Variants in CAST observed in about 807,000 individuals in gnomAD.
CAST encodes the protein calpastatin.
A neutral mutation model predicts 119.6 loss-of-function variants in CAST; 76 were observed. The ratio of observed to expected loss-of-function variants is 0.64; its 90% CI spans 0.53 to 0.77. CAST has a LOEUF of 0.77. Ranked by LOEUF, CAST falls within the 30% of genes least tolerant of loss-of-function variation. CAST has a pLI of 0.00. For synonymous variants in CAST, 319 were observed against 331.6 expected, an observed-to-expected ratio of 0.96 and a Z score of 0.41; for missense variants, 953 against 946.5, an observed-to-expected ratio of 1.01 and a Z score of -0.09.
the CAST span, among the ~76,000 whole-genome samples, chr5:96,163,375 AT>A: frequency 6.6e-6 from 1 of 152,138 alleles, no homozygotes; most frequent in African/African-American, 2.4e-5. Context: ...GATCTTCTCT[AT>A]TCTTTTTCTA....
At chr5:96,579,624 G>A (rs897191469) in intron 1 of CAST, among the ~76,000 whole-genome samples, 1 of 152,102 alleles carries the variant, frequency 6.6e-6, no homozygotes, top group Non-Finnish European at 1.5e-5. Flanking sequence ...ATGCCATTCC[G>A]CTGTGCTATT....
intron 1 of CAST, chr5:96,584,722 G>T (rs62364681): frequency 0.019 from 2,881 of 152,284 alleles, 42 homozygotes; most frequent in Non-Finnish European, 0.029. Context: ...TAGAGGAGGA[G>T]TCTTTTCAAG....
At chr5:96,120,689 T>C in the CAST span, among the ~76,000 whole-genome samples, 1 of 147,826 alleles carries the variant, frequency 6.8e-6, no homozygotes, top group Non-Finnish European at 1.5e-5. Flanking sequence ...ATATAAATAA[T>C]ATATATTAAT....
the CAST span, among the ~76,000 whole-genome samples, chr5:96,259,828 C>T: frequency 1.2e-4 from 18 of 150,532 alleles, no homozygotes; most frequent in Non-Finnish European, 2.4e-4. Context: ...CAGTTCTAAA[C>T]TTTTCAATTG....
At chr5:96,366,067 T>C in the CAST span, among the ~76,000 whole-genome samples, 7 of 152,194 alleles carry the variant, frequency 4.6e-5, no homozygotes, top group Non-Finnish European at 1.0e-4. Context: ...CAAAGTATTT[T>C]ATTTCTCCTT....
chr5:96,144,496 CA>C, the CAST span, among the ~76,000 whole-genome samples: 1 of 152,284 alleles, frequency 6.6e-6, no homozygotes, highest in East Asian at 1.9e-4. Context: ...GTTTGTATCC[CA>C]ATTGCTTTTA....
At chr5:95,961,997 A>T in the CAST span, 1 of 417,574 alleles carries the variant, frequency 2.4e-6, no homozygotes, top group Non-Finnish European at 4.2e-6. Context: ...GCGGGCCCAA[A>T]GTCACTAGAG....
chr5:96,001,704 G>A, the CAST span, among the ~76,000 whole-genome samples: 1 of 152,204 alleles, frequency 6.6e-6, no homozygotes, highest in Non-Finnish European at 1.5e-5. Context: ...TAAGAAGTAT[G>A]TTTTTATATT....
upstream of CAST, among the ~76,000 whole-genome samples, chr5:96,526,518 T>C (rs961406278): frequency 2.0e-5 from 3 of 152,204 alleles, no homozygotes; most frequent in Non-Finnish European, 4.4e-5. Context: ...TACTTTCTTT[T>C]AGGTAGTTGA....
At chr5:96,769,344 G>T (rs531848358) in intron 29 of CAST, 1 of 146,956 alleles carries the variant, frequency 6.8e-6, no homozygotes, top group Non-Finnish European at 1.5e-5. Context: ...TTCCTCGGTT[G>T]TTTCCCATTG....
At chr5:96,244,086 C>T in the CAST span, among the ~76,000 whole-genome samples, 1 of 152,172 alleles carries the variant, frequency 6.6e-6, no homozygotes. Flanking sequence ...CCACACTGCC[C>T]TAAGGCACTC....
intron 1 of CAST, among the ~76,000 whole-genome samples, chr5:96,618,561 C>T (rs1580847911): frequency 6.6e-6 from 1 of 152,250 alleles, no homozygotes; most frequent in East Asian, 1.9e-4. Context: ...CGCGAGCTAG[C>T]GCAAGTTCCA....
intron 6 of CAST, chr5:96,728,369 ACTTTAAATACTTTT>A (rs1221764669): frequency 6.6e-6 from 1 of 152,100 alleles, no homozygotes; most frequent in African/African-American, 2.4e-5. Context: ...CTTCTATTCC[ACTTTAAATACTTTT>A]ATCTACTGAA....
At chr5:96,055,261 T>G in the CAST span, among the ~76,000 whole-genome samples, 10 of 152,180 alleles carry the variant, frequency 6.6e-5, no homozygotes, top group African/African-American at 1.9e-4. Flanking sequence ...ATTTTCCTTC[T>G]CTGGGTTTTA....
intron 1 of CAST, among the ~76,000 whole-genome samples, chr5:96,585,359 A>G (rs1206539850): frequency 6.6e-6 from 1 of 152,132 alleles, no homozygotes; most frequent in Non-Finnish European, 1.5e-5. Flanking sequence ...TGCCAACAGA[A>G]CAATTCCTAT....
chr5:96,011,229 C>T, the CAST span, among the ~76,000 whole-genome samples: 1 of 152,044 alleles, frequency 6.6e-6, no homozygotes, highest in Admixed American at 6.6e-5. Flanking sequence ...TAAATTTGGT[C>T]TTTATTAATA....
chr5:96,357,070 A>T, the CAST span, among the ~76,000 whole-genome samples: 4 of 152,092 alleles, frequency 2.6e-5, no homozygotes, highest in African/African-American at 9.7e-5. Flanking sequence ...TTGCATTCCT[A>T]GGTATTTTAT....
chr5:96,306,538 G>A, the CAST span, among the ~76,000 whole-genome samples: 1 of 152,008 alleles, frequency 6.6e-6, no homozygotes, highest in Admixed American at 6.6e-5. Context: ...TAATTGTGAT[G>A]TTAAGGTGTT....
At chr5:96,489,283 A>C in the CAST span, among the ~76,000 whole-genome samples, 1 of 152,240 alleles carries the variant, frequency 6.6e-6, no homozygotes, top group African/African-American at 2.4e-5. Context: ...GGCAGATCAA[A>C]GGATGCCTGA....
Sources: gnomAD v4.1 joint callset for allele counts (sites outside exome capture counted in the v4.1 genomes callset) on GRCh38, gnomAD v4.1.1 for gene constraint, MANE v1.5 for transcripts, NCBI Gene and HGNC (gene_info 2026-07-23, HGNC 2026-07-21) for gene names.